Variants in CLASP2 observed in about 807,000 individuals in gnomAD.
CLASP2 encodes the protein CLIP-associating protein 2.
CLASP2 carries 47 observed loss-of-function variants against 194.4 expected under a neutral mutation model. That is an observed-to-expected ratio of 0.24 (90% confidence interval 0.19 to 0.31). The LOEUF is 0.31. Among genes scored for constraint, CLASP2 ranks in the 10% least tolerant of loss-of-function variants. The pLI, the probability that CLASP2 is intolerant of heterozygous loss-of-function variation, is 1.00. For missense variants in CLASP2, 1,445 were observed against 1,823.6 expected, an observed-to-expected ratio of 0.79 and a Z score of 3.78; for synonymous variants, 619 against 633.5, an observed-to-expected ratio of 0.98 and a Z score of 0.34.
chr3:33,586,289 C>T (rs982993878), intron 21 of CLASP2, among the ~76,000 whole-genome samples: 1 of 152,082 alleles, frequency 6.6e-6, no homozygotes. Flanking sequence ...CTCCTGCCAT[C>T]GCACCTGGTT....
intron 21 of CLASP2, among the ~76,000 whole-genome samples, chr3:33,589,003 G>A (rs2068042008): frequency 6.6e-6 from 1 of 152,090 alleles, no homozygotes; most frequent in Non-Finnish European, 1.5e-5. Flanking sequence ...AACAGTAAAT[G>A]TAAATTCTTC....
At position 33,498,340 on chromosome 3, in the gene CLASP2, GAA is replaced by G. The variant is rs1369442185; in HGVS notation, c.*289_*290del. Reference sequence around the variant, plus strand: ...TCATAACACTGGCAAAGGTTAATGGGAAGACAAAGTACAAACATGTGAAATGA... The same window carrying G: ...TCATAACACTGGCAAAGGTTAATGGGGACAAAGTACAAACATGTGAAATGA... On this transcript the variant is annotated 3_prime_UTR_variant, in exon 39 of 39. Coordinates refer to ENST00000682230, the MANE Select transcript of CLASP2 (RefSeq NM_001365631.1). The G allele has an allele frequency of 6.0e-5, 15 of 249,660 alleles. No homozygotes were observed. The highest frequency in any genetic ancestry group is 8.3e-5 in the Non-Finnish European group (11 of 132,084). 15.5% of individuals were successfully genotyped at this position (249,660 alleles called of 1,614,324 possible). A position where few individuals can be genotyped will look rare whatever the true frequency, so the allele number is the denominator to read the frequency against.
chr3:33,716,591 T>C (rs2093312367), intron 1 of CLASP2, among the ~76,000 whole-genome samples: 1 of 152,216 alleles, frequency 6.6e-6, no homozygotes, highest in African/African-American at 2.4e-5. Flanking sequence ...AGTGTGAATA[T>C]GTATATGCCT....
chr3:33,604,088 AAG>A, intron 17 of CLASP2, 64 bp downstream of exon 17: 1 of 1,214,270 alleles, frequency 8.2e-7, no homozygotes, highest in Non-Finnish European at 1.2e-6. Context: ...AGCACATCAA[AAG>A]AGTTTGAAGG....
intron 27 of CLASP2, among the ~76,000 whole-genome samples, chr3:33,562,804 G>C (rs2062012315): frequency 6.6e-6 from 1 of 152,164 alleles, no homozygotes. Context: ...AGGAAACAGG[G>C]AAGCAGAGAA....
rs752018746 is a variant in CLASP2 at position 33,687,078 on chromosome 3, A to C, written c.528T>G (p.Phe176Leu). The C allele has an allele frequency of 2.9e-5, 47 of 1,599,040 alleles. No individual in the cohort carries two copies. In the South Asian group the frequency reaches 4.0e-4, roughly 14 times the overall value. Reference sequence around the variant, plus strand: ...ATTTTACCTGACTGTTGGAGTCTCCAAACAGGATACACAAATGTGGTATCA... The same window carrying C: ...ATTTTACCTGACTGTTGGAGTCTCCCAACAGGATACACAAATGTGGTATCA... ...SKLIPHLCILFGDSNSQVRDA... is the reference protein window; with the variant it reads ...SKLIPHLCILLGDSNSQVRDA... The change falls in exon 5 of 39, where the codon TTT becomes TTG. Residue 176 changes from phenylalanine (F) to leucine (L), a missense_variant. Phe to Leu is a conservative substitution (Grantham distance 22). Coordinates refer to ENST00000682230, the MANE Select transcript of CLASP2 (RefSeq NM_001365631.1).
chr3:33,704,605 T>C lies in CLASP2; in HGVS notation c.196-7672A>G, dbSNP rs147965926. Reference sequence around the variant, plus strand: ...CATCTCTAATAAAAATATAAAAAATTAGCTGGGCATGGTGGCACGCGCCTG... The same window carrying C: ...CATCTCTAATAAAAATATAAAAAATCAGCTGGGCATGGTGGCACGCGCCTG... On this transcript the variant is annotated intron_variant, in intron 1 of 38. Transcript: ENST00000682230. Among the ~76,000 whole-genome samples, 942 of 151,982 alleles carry C rather than the reference T, an allele frequency of 6.2e-3. 11 individuals are homozygous for C. Among genetic ancestry groups the C allele is most frequent in the African/African-American group, 0.021 (887 of 41,458 alleles).
rs754128970 is a variant in CLASP2 at position 33,551,342 on chromosome 3, T to C, written c.3063A>G (p.Pro1021=). 3.5e-5 allele frequency: 57 copies of C among 1,613,728 alleles called. No individual in the cohort carries two copies. The highest frequency in any genetic ancestry group is 4.5e-5 in the Non-Finnish European group (53 of 1,179,790). The change falls in exon 30 of 39, where the codon CCA becomes CCG. Residue 1021 remains proline, a synonymous_variant. Transcript: ENST00000682230. ...YIETLAKQMD[P]GDFINSSETR... is the part of the protein sequence containing the mutation. ...TTTCACTGGAATTTATAAAATCTCC[T>C]GGATCCATCTGTTTGGCCAGAGTTT...
intron 8 of CLASP2, among the ~76,000 whole-genome samples, chr3:33,641,279 CTAGTAACCAT>C (rs1321823738): frequency 1.3e-5 from 2 of 151,788 alleles, no homozygotes; most frequent in Non-Finnish European, 2.9e-5. Context: ...TTCAGCAATT[CTAGTAACCAT>C]TGAGCCAAAA....
At chr3:33,574,534 TAATG>T in intron 24 of CLASP2, 1 of 1,326,520 alleles carries the variant, frequency 7.5e-7, no homozygotes, top group East Asian at 2.5e-5. Flanking sequence ...AAATTGAAAA[TAATG>T]AAGAACATTT....
At chr3:33,616,734 CTTTTTTT>C (rs958911625) in intron 12 of CLASP2, among the ~76,000 whole-genome samples, 11 of 95,374 alleles carry the variant, frequency 1.2e-4, no homozygotes, top group African/African-American at 2.1e-4. Flanking sequence ...ACTATACTTC[CTTTTTTT>C]TTTTTTTTTT....
At chr3:33,587,390 C>T (rs906325186) in intron 21 of CLASP2, among the ~76,000 whole-genome samples, 2 of 152,172 alleles carry the variant, frequency 1.3e-5, no homozygotes, top group African/African-American at 2.4e-5. Context: ...TCCCAAAGTG[C>T]TGGGATTACA....
chr3:33,598,337 A>ACTCTTC (rs1560229281), intron 18 of CLASP2, among the ~76,000 whole-genome samples: 1 of 150,956 alleles, frequency 6.6e-6, no homozygotes. Flanking sequence ...CCCCAATCAC[A>ACTCTTC]CTCTTCTTAA....
At chr3:33,716,534 T>A (rs2093309933) in intron 1 of CLASP2, among the ~76,000 whole-genome samples, 1 of 152,202 alleles carries the variant, frequency 6.6e-6, no homozygotes, top group South Asian at 2.1e-4. Flanking sequence ...ACCAAAGCGC[T>A]GTCTTTCTAC....
intron 24 of CLASP2, among the ~76,000 whole-genome samples, chr3:33,575,037 A>C (rs909429175): frequency 6.6e-6 from 1 of 152,174 alleles, no homozygotes; most frequent in Admixed American, 6.5e-5. Flanking sequence ...AGCAGAATTT[A>C]ACTGGTAAAT....
chr3:33,623,911 T>C (rs1170514606), intron 10 of CLASP2, among the ~76,000 whole-genome samples: 1 of 152,112 alleles, frequency 6.6e-6, no homozygotes, highest in Non-Finnish European at 1.5e-5. Flanking sequence ...CCACAGCCAA[T>C]ATCCTACTGA....
In CLASP2 at chr3:33,573,316, C is replaced by T; in HGVS notation, c.2493G>A (p.Met831Ile). The T allele has an allele frequency of 6.2e-7, 1 of 1,613,472 alleles. No individual in the cohort carries two copies. The highest frequency in any genetic ancestry group is 8.5e-7 in the Non-Finnish European group (1 of 1,179,436). ...PARRRYESYG[M>I]HSDDDANSDA... The stretch of plus-strand genomic sequence containing the variant: ...CGCTGTTGGCGTCATCATCTGAATG[C>T]ATTCCATATGATTCATATCTTCTTC... The change falls in exon 25 of 39, where the codon ATG becomes ATA. Residue 831 changes from methionine to isoleucine, a missense_variant. Coordinates refer to ENST00000682230, the MANE Select transcript of CLASP2 (RefSeq NM_001365631.1).
At chr3:33,570,590 C>T in intron 26 of CLASP2, 137 bp downstream of exon 26, 1 of 1,113,108 alleles carries the variant, frequency 9.0e-7, no homozygotes, top group South Asian at 1.4e-5. Flanking sequence ...CGTATGATAC[C>T]AAACAATTTT....
chr3:33,550,381 C>T (rs114471776), intron 30 of CLASP2, among the ~76,000 whole-genome samples: 2,258 of 111,648 alleles, frequency 0.02, 61 homozygotes, highest in African/African-American at 0.076. Context: ...GGTGAAAAAG[C>T]GAGACTGCCT....
Sources: allele counts gnomAD v4.1 joint callset (sites outside exome capture counted in the v4.1 genomes callset), GRCh38; gene constraint gnomAD v4.1.1; transcripts MANE v1.5; gene names NCBI Gene and HGNC (gene_info 2026-07-23, HGNC 2026-07-21).